SATB2: variants seen among roughly 807,000 people sequenced by gnomAD.
The protein encoded by SATB2 is DNA-binding protein SATB2.
In SATB2, 1 loss-of-function variant was observed where a neutral mutation model predicts 73.4. The ratio of observed to expected loss-of-function variants is 0.01; its 90% CI spans 0.00 to 0.06. SATB2 has a LOEUF of 0.06. Among genes scored for constraint, SATB2 ranks in the 10% least tolerant of loss-of-function variants. SATB2 has a pLI of 1.00. For synonymous variants in SATB2, 397 were observed against 367.0 expected, an observed-to-expected ratio of 1.08 and a Z score of -0.93; for missense variants, 459 against 945.8, an observed-to-expected ratio of 0.49 and a Z score of 6.75.
rs781765799 is a variant in SATB2, at chr2:199,272,466, C to T, written c.1947G>A (p.Ser649=). ...TGTGTTTGGGGAGATCCAGCTGAGC[C>T]GAAAGAGTGTGGATGGCTTCCTGGT... ...YPDQEAIHTL[S]AQLDLPKHTI... The change falls in exon 11 of 11, where the codon TCG becomes TCA. Residue 649 remains serine, a synonymous_variant. Coordinates refer to ENST00000417098, the MANE Select transcript of SATB2 (RefSeq NM_001172509.2). The surrounding 1 kb of genome is among the most constrained non-coding windows in gnomAD (Gnocchi z 6.7). 49 of 1,613,996 alleles carry T rather than the reference C, an allele frequency of 3.0e-5. No homozygotes were observed. The East Asian group carries it at 6.2e-4, about 21-fold the overall frequency.
At chr2:199,442,620 C>T (rs1010601165) in intron 2 of SATB2, among the ~76,000 whole-genome samples, 1 of 152,070 alleles carries the variant, frequency 6.6e-6, no homozygotes, top group African/African-American at 2.4e-5. Flanking sequence ...GTGGCCAGAG[C>T]CTGTTAAACC....
intron 3 of SATB2, among the ~76,000 whole-genome samples, chr2:199,391,449 A>C (rs997243090): frequency 3.1e-5 from 4 of 130,952 alleles, no homozygotes; most frequent in Non-Finnish European, 5.2e-5. Context: ...AAAAAAAAAA[A>C]AAACAAAAAA....
chr2:199,457,511 G>C lies in SATB2; in HGVS notation c.-232C>G, dbSNP rs1005236550. ...TCCTAATGTTTAAGGTCCTGGGTCA[G>C]GGTGTCTTCTTCTGGTGCGGAGATG... On this transcript the variant is annotated 5_prime_UTR_variant, in exon 1 of 11. Coordinates refer to ENST00000417098, the MANE Select transcript of SATB2 (RefSeq NM_001172509.2). This position sits in a 1 kb window ranked among gnomAD's most constrained non-coding sequence, Gnocchi z 4.8. 6.6e-6 allele frequency: 1 copy of C among 152,596 alleles called. No homozygotes were observed. The highest frequency in any genetic ancestry group is 6.6e-5 in the Admixed American group (1 of 15,248). 9.5% of individuals were successfully genotyped at this position (152,596 alleles called of 1,614,324 possible). A position where few individuals can be genotyped will look rare whatever the true frequency, so the allele number is the denominator to read the frequency against.
chr2:199,331,134 G>A (rs1688176663), intron 7 of SATB2, among the ~76,000 whole-genome samples: 1 of 151,616 alleles, frequency 6.6e-6, no homozygotes, highest in Non-Finnish European at 1.5e-5. Flanking sequence ...TTGTTCTAAT[G>A]GACCATGGCT....
At chr2:199,393,179 T>G (rs1690199464) in intron 3 of SATB2, among the ~76,000 whole-genome samples, 1 of 152,180 alleles carries the variant, frequency 6.6e-6, no homozygotes, top group South Asian at 2.1e-4. Flanking sequence ...ATTTGGCACC[T>G]TTATTCTTCA....
intron 2 of SATB2, among the ~76,000 whole-genome samples, chr2:199,443,021 A>ATTTTTT (rs10673737): frequency 2.7e-4 from 36 of 133,576 alleles, no homozygotes; most frequent in Non-Finnish European, 5.2e-4. Context: ...GTTTCTGAGA[A>ATTTTTT]TTTTTTTTTT....
chr2:199,386,696 GCGCGCGCGCGCGCGCGCGCGCACACA>G (rs1689951392), intron 3 of SATB2, among the ~76,000 whole-genome samples: 1 of 418 alleles, frequency 2.4e-3, no homozygotes, highest in African/African-American at 3.9e-3. Flanking sequence ...ACGTGCGCAA[GCGCGCGCGCGCGCGCGCGCGCACACA>G]CACACACACA....
intron 7 of SATB2, among the ~76,000 whole-genome samples, chr2:199,340,528 A>G (rs565016750): frequency 6.6e-6 from 1 of 152,320 alleles, no homozygotes; most frequent in South Asian, 2.1e-4. Flanking sequence ...GAACCGGCTC[A>G]GAAGAACTAG....
At chr2:199,328,411 G>A (rs1196517997) in intron 8 of SATB2, among the ~76,000 whole-genome samples, 1 of 151,990 alleles carries the variant, frequency 6.6e-6, no homozygotes, top group Non-Finnish European at 1.5e-5. Flanking sequence ...CATGGTGGTT[G>A]GTGCCTCTAA....
At chr2:199,409,173 T>TC (rs1225640376) in intron 3 of SATB2, among the ~76,000 whole-genome samples, 1 of 139,692 alleles carries the variant, frequency 7.2e-6, no homozygotes, top group African/African-American at 2.5e-5. Context: ...TTTTCTTTTT[T>TC]TTTTTTTTTT....
intron 10 of SATB2, among the ~76,000 whole-genome samples, chr2:199,273,018 T>C (rs1692206005): frequency 6.6e-6 from 1 of 151,958 alleles, no homozygotes; most frequent in African/African-American, 2.4e-5. Context: ...GACAAAGAAA[T>C]TGGGCACAAA....
intron 5 of SATB2, among the ~76,000 whole-genome samples, chr2:199,373,081 T>C (rs779850900): frequency 9.2e-5 from 14 of 152,160 alleles, no homozygotes; most frequent in Admixed American, 2.6e-4. Context: ...AAACACATAA[T>C]ACACTTGTTA....
intron 3 of SATB2, among the ~76,000 whole-genome samples, chr2:199,401,437 C>A (rs1412841987): frequency 1.3e-5 from 2 of 151,492 alleles, no homozygotes; most frequent in African/African-American, 4.8e-5. Context: ...CCTGTACTCC[C>A]AGCTACTAGG....
intron 2 of SATB2, among the ~76,000 whole-genome samples, chr2:199,441,341 C>A (rs1434254148): frequency 6.6e-6 from 1 of 151,890 alleles, no homozygotes; most frequent in Non-Finnish European, 1.5e-5. Flanking sequence ...ACTAGAAAAA[C>A]AAGTGAATTT....
At chr2:199,326,416 A>G (rs1052790657) in intron 8 of SATB2, among the ~76,000 whole-genome samples, 6 of 152,146 alleles carry the variant, frequency 3.9e-5, no homozygotes, top group Admixed American at 3.3e-4. Flanking sequence ...TCTAGATGGC[A>G]TTCTGGTCAA....
chr2:199,347,060 T>C (rs7597624), intron 7 of SATB2: 95,322 of 151,760 alleles, frequency 0.63, 32,788 homozygotes, highest in Non-Finnish European at 0.77. Context: ...TTAGTAGAGA[T>C]GGTGTTTTAC....
At chr2:199,469,732 C>G (rs1356600177), upstream of SATB2, 1 of 152,374 alleles carries the variant, frequency 6.6e-6, no homozygotes, top group Admixed American at 6.5e-5. Flanking sequence ...CTGCAACAAG[C>G]CAAGCTCCCT....
intron 7 of SATB2, 160 bp from the exon 8 acceptor site, chr2:199,329,070 T>G: frequency 2.9e-6 from 2 of 686,882 alleles, no homozygotes; most frequent in Non-Finnish European, 5.3e-6. Context: ...ATGAAGTCAA[T>G]GTGCTTGCCT....
intron 10 of SATB2, among the ~76,000 whole-genome samples, chr2:199,298,672 A>C (rs761540443): frequency 2.6e-5 from 4 of 152,104 alleles, no homozygotes; most frequent in Non-Finnish European, 5.9e-5. Flanking sequence ...CCCCTATTTC[A>C]ACTGTTAATT....
Sources: allele counts gnomAD v4.1 joint callset (sites outside exome capture counted in the v4.1 genomes callset), GRCh38; gene constraint gnomAD v4.1.1; non-coding constraint Gnocchi (gnomAD v3.1); transcripts MANE v1.5; gene names NCBI Gene and HGNC (gene_info 2026-07-23, HGNC 2026-07-21).